The following CCSER1 variants were observed in gnomAD, a reference collection of about 807,000 sequenced individuals.
The protein encoded by CCSER1 is serine-rich coiled-coil domain-containing protein 1.
In CCSER1, 41 loss-of-function variants were observed where a neutral mutation model predicts 82.0. That is an observed-to-expected ratio of 0.50 (90% confidence interval 0.39 to 0.65). The LOEUF (loss-of-function observed/expected upper bound fraction) is 0.65, where lower values mean the gene tolerates loss of function less well. Ranked by LOEUF, CCSER1 falls within the 30% of genes least tolerant of loss-of-function variation. The pLI is 0.00. For missense variants in CCSER1, 1,119 were observed against 1,064.2 expected (o/e 1.05, Z -0.72); for synonymous variants, 414 against 383.9 (o/e 1.08, Z -0.92).
intron 7 of CCSER1, among the ~76,000 whole-genome samples, chr4:90,744,270 C>T (rs1248420787): frequency 6.6e-6 from 1 of 152,012 alleles, no homozygotes; most frequent in East Asian, 1.9e-4. Context: ...TTATGTGTTG[C>T]CTGTATGATG....
intron 10 of CCSER1, among the ~76,000 whole-genome samples, chr4:91,593,893 T>A (rs1764392614): frequency 6.6e-6 from 1 of 152,178 alleles, no homozygotes; most frequent in Non-Finnish European, 1.5e-5. Context: ...ATAATATGTT[T>A]TAAAATTAGT....
At chr4:90,560,906 A>C (rs1209971831) in intron 5 of CCSER1, among the ~76,000 whole-genome samples, 1 of 152,208 alleles carries the variant, frequency 6.6e-6, no homozygotes, top group Admixed American at 6.5e-5. Flanking sequence ...TTTATGAAAA[A>C]TAAAACAAAG....
intron 8 of CCSER1, among the ~76,000 whole-genome samples, chr4:90,817,434 A>AC (rs140114507): frequency 0.012 from 1,815 of 152,164 alleles, 40 homozygotes; most frequent in African/African-American, 0.042. Flanking sequence ...ACTTTCAAAG[A>AC]CAGTACTACA....
At chr4:90,523,754 T>C (rs913319750) in intron 5 of CCSER1, among the ~76,000 whole-genome samples, 1 of 152,086 alleles carries the variant, frequency 6.6e-6, no homozygotes, top group Non-Finnish European at 1.5e-5. Flanking sequence ...CTATAAATGA[T>C]AGTAGACCTG....
chr4:91,474,793 A>G (rs1396465030), intron 10 of CCSER1, among the ~76,000 whole-genome samples: 24 of 57,904 alleles, frequency 4.1e-4, no homozygotes, highest in African/African-American at 7.0e-4. Context: ...TTGTGTATAT[A>G]TATATATATA....
At chr4:90,281,321 C>T (rs968230266) in intron 1 of CCSER1, among the ~76,000 whole-genome samples, 5 of 151,894 alleles carry the variant, frequency 3.3e-5, no homozygotes, top group South Asian at 2.1e-4. Context: ...CAGGGTTTTT[C>T]GTAGGGACAG....
At chr4:90,640,086 AG>A (rs1437268949) in intron 6 of CCSER1, among the ~76,000 whole-genome samples, 2 of 152,168 alleles carry the variant, frequency 1.3e-5, no homozygotes, top group Non-Finnish European at 1.5e-5. Flanking sequence ...GGTGCTGAAA[AG>A]TAAGTAGGAT....
At chr4:91,174,694 G>C (rs1431558193) in intron 10 of CCSER1, among the ~76,000 whole-genome samples, 1 of 152,016 alleles carries the variant, frequency 6.6e-6, no homozygotes, top group Non-Finnish European at 1.5e-5. Flanking sequence ...TGTTTAATGT[G>C]TTATACCATT....
intron 4 of CCSER1, 72 bp from the exon 5 acceptor site, chr4:90,468,162 G>T: frequency 7.8e-7 from 1 of 1,283,004 alleles, no homozygotes; most frequent in East Asian, 2.5e-5. Flanking sequence ...AATATAGAAA[G>T]GGGAAAAAGG....
rs1271043909 is a variant in CCSER1 at position 91,011,964 on chromosome 4, C to T, written c.2173-73986C>T. Among the ~76,000 whole-genome samples the T allele has an allele frequency of 4.4e-5, 6 of 134,998 alleles. 1 individual carries two copies. Among genetic ancestry groups the T allele is most frequent in the African/African-American group, 1.5e-4 (6 of 40,536 alleles). 88.6% of individuals were successfully genotyped at this position (134,998 alleles called of 152,430 possible). A position where few individuals can be genotyped will look rare whatever the true frequency, so the allele number is the denominator to read the frequency against. On this transcript the variant is annotated intron_variant, in intron 9 of 10. Transcript: ENST00000509176. ...CAGCTTAGACTCTAGGGAGATAATA[C>T]AGCTCCAGGGAAGCTAAGTACTAGA...
chr4:90,944,728 A>G (rs1171109822), intron 9 of CCSER1, among the ~76,000 whole-genome samples: 1 of 152,218 alleles, frequency 6.6e-6, no homozygotes, highest in Non-Finnish European at 1.5e-5. Flanking sequence ...TAACATTTCC[A>G]TATGTAAGGA....
intron 5 of CCSER1, among the ~76,000 whole-genome samples, chr4:90,573,207 A>C (rs1157189835): frequency 6.6e-6 from 1 of 152,240 alleles, no homozygotes; most frequent in African/African-American, 2.4e-5. Flanking sequence ...CAGTGCTGGG[A>C]TGTGCCTGAA....
Position 90,309,398 on chromosome 4 carries a change from G to C in CCSER1, c.1114G>C (p.Glu372Gln). The change falls in exon 2 of 11, where the codon GAA (glutamate) becomes CAA (glutamine). Residue 372 changes from glutamate to glutamine, a missense_variant. Transcript: ENST00000509176. Reference protein sequence around the residue: ...HSESNLPADSEREENIGLQNG... With the variant: ...HSESNLPADSQREENIGLQNG... ...AGAGAGTAACCTACCAGCAGATAGTGAAAGAGAAGAAAATATAGGGTTACA... is the reference window on the plus strand; with the variant it reads ...AGAGAGTAACCTACCAGCAGATAGTCAAAGAGAAGAAAATATAGGGTTACA... 1 of 1,613,812 alleles carries C rather than the reference G, an allele frequency of 6.2e-7. No individual in the cohort carries two copies. Among genetic ancestry groups the C allele is most frequent in the South Asian group, 1.1e-5 (1 of 91,074 alleles).
chr4:90,932,980 A>AAGAGAGAG (rs771419830), intron 9 of CCSER1, among the ~76,000 whole-genome samples: 5 of 21,978 alleles, frequency 2.3e-4, no homozygotes, highest in East Asian at 7.4e-4. Context: ...GAAAGAAAGA[A>AAGAGAGAG]AGAGAAAGAA....
chr4:90,283,943 C>T (rs1249858176), intron 1 of CCSER1, among the ~76,000 whole-genome samples: 4 of 152,054 alleles, frequency 2.6e-5, no homozygotes, highest in Non-Finnish European at 5.9e-5. Context: ...TACATTCCCA[C>T]TGTGTATAAG....
chr4:91,288,535 T>C (rs1245016507), intron 10 of CCSER1, among the ~76,000 whole-genome samples: 1 of 152,004 alleles, frequency 6.6e-6, no homozygotes, highest in Non-Finnish European at 1.5e-5. Flanking sequence ...AGGCTCTTTA[T>C]AGACCTCACT....
intron 9 of CCSER1, among the ~76,000 whole-genome samples, chr4:91,000,016 A>C: frequency 6.6e-6 from 1 of 151,716 alleles, no homozygotes; most frequent in East Asian, 1.9e-4. Context: ...CTAGACAGCT[A>C]TCCCAGCACC....
At chr4:90,396,801 T>TTTTCTTTC (rs375479076) in intron 3 of CCSER1, among the ~76,000 whole-genome samples, 2 of 151,994 alleles carry the variant, frequency 1.3e-5, no homozygotes, top group East Asian at 3.8e-4. Context: ...GTCTTTCTTC[T>TTTTCTTTC]TTTCTTTCTT....
intron 10 of CCSER1, among the ~76,000 whole-genome samples, chr4:91,172,765 T>C (rs189409450): frequency 3.2e-4 from 48 of 152,282 alleles, no homozygotes; most frequent in Admixed American, 2.6e-3. Flanking sequence ...ATAAAATCTT[T>C]ATGTGACACA....
Sources: allele counts gnomAD v4.1 joint callset (sites outside exome capture counted in the v4.1 genomes callset), GRCh38; gene constraint gnomAD v4.1.1; transcripts MANE v1.5; gene names NCBI Gene and HGNC (gene_info 2026-07-23, HGNC 2026-07-21).